DPP10: variants seen among roughly 807,000 people sequenced by gnomAD.
DPP10 encodes the protein inactive dipeptidyl peptidase 10.
In DPP10, 33 loss-of-function variants were observed where a neutral mutation model predicts 120.9. That is an observed-to-expected ratio of 0.27 (90% CI 0.21 to 0.37). The LOEUF (loss-of-function observed/expected upper bound fraction) is 0.37. Ranked by LOEUF, DPP10 falls within the 10% of genes least tolerant of loss-of-function variation. DPP10 has a pLI of 1.00. For synonymous variants in DPP10, 337 were observed against 326.1 expected (o/e 1.03, Z -0.36); for missense variants, 816 against 942.8 (o/e 0.87, Z 1.76).
chr2:114,537,099 C>T (rs1465508090), intron 1 of DPP10, among the ~76,000 whole-genome samples: 2 of 152,238 alleles, frequency 1.3e-5, no homozygotes, highest in Admixed American at 6.5e-5. Flanking sequence ...ATCTTCTCCT[C>T]CCACCACCTA....
Position 115,383,697 on chromosome 2 carries a change from T to A in DPP10, c.271+39785T>A, listed in dbSNP as rs1574651531. Reference sequence around the variant, plus strand: ...TATTCATTTAAATATATTTAATAATTTGATTTATAATGTGTTTCTTATGCA... The same window carrying A: ...TATTCATTTAAATATATTTAATAATATGATTTATAATGTGTTTCTTATGCA... On this transcript the variant is annotated intron_variant, in intron 3 of 25. Transcript: ENST00000410059. Among the ~76,000 whole-genome samples the A allele has an allele frequency of 2.0e-5, 3 of 152,274 alleles. No individual in the cohort carries two copies. The South Asian group carries it at 6.2e-4, about 32-fold the overall frequency.
At chr2:115,828,092 C>T (rs1688559528) in intron 21 of DPP10, among the ~76,000 whole-genome samples, 1 of 151,916 alleles carries the variant, frequency 6.6e-6, no homozygotes, top group Non-Finnish European at 1.5e-5. Context: ...TATATTCTTC[C>T]AGCTCTAATG....
At chr2:115,026,947 C>T (rs1385823027) in intron 1 of DPP10, among the ~76,000 whole-genome samples, 1 of 152,130 alleles carries the variant, frequency 6.6e-6, no homozygotes, top group Non-Finnish European at 1.5e-5. Context: ...GTCTTCCAAT[C>T]CATGAGCTTG....
intron 3 of DPP10, among the ~76,000 whole-genome samples, chr2:115,415,841 T>TATA (rs773341293): frequency 0.015 from 1,103 of 74,280 alleles, 28 homozygotes; most frequent in African/African-American, 0.041. Context: ...TGATTTGCTT[T>TATA]TATATATATA....
rs1559366566 is a variant in DPP10, at chr2:115,286,493, T to TATATATATTACATATATA, written c.61-22738_61-22737insTACATATATAATATATAT. Among the ~76,000 whole-genome samples, 27 of 9,242 alleles carry TATATATATTACATATATA rather than the reference T, an allele frequency of 2.9e-3. 1 individual carries two copies. In the South Asian group the frequency reaches 0.03, roughly 10 times the overall value. 6.1% of individuals were successfully genotyped at this position (9,242 alleles called of 152,430 possible). A position where few individuals can be genotyped will look rare whatever the true frequency, so the allele number is the denominator to read the frequency against. On this transcript the variant is annotated intron_variant, in intron 1 of 25. Coordinates refer to ENST00000410059, the MANE Select transcript of DPP10 (RefSeq NM_020868.6). ...ATATATATATGTAATATATATATAA[T>TATATATATTACATATATA]ATATATATATTACATATATAATATA... is the stretch of plus-strand genomic sequence containing the variant.
intron 1 of DPP10, among the ~76,000 whole-genome samples, chr2:114,634,430 A>G (rs938620245): frequency 2.6e-5 from 4 of 151,888 alleles, no homozygotes; most frequent in Admixed American, 2.6e-4. Context: ...AATGAGGCAG[A>G]GGAGTTATTT....
At chr2:115,483,851 A>G (rs1296777495) in intron 3 of DPP10, among the ~76,000 whole-genome samples, 2 of 152,076 alleles carry the variant, frequency 1.3e-5, no homozygotes, top group African/African-American at 4.8e-5. Flanking sequence ...GCGTATATCT[A>G]TATCTTCTCA....
intron 5 of DPP10, among the ~76,000 whole-genome samples, chr2:115,587,349 C>T (rs1051609934): frequency 1.1e-4 from 16 of 152,028 alleles, no homozygotes; most frequent in Admixed American, 1.3e-4. Flanking sequence ...CCGCCCGCCT[C>T]GGCCTCCCAA....
chr2:115,833,499 T>G (rs542051683), intron 21 of DPP10, among the ~76,000 whole-genome samples: 219 of 152,284 alleles, frequency 1.4e-3, no homozygotes, highest in African/African-American at 5.0e-3. Flanking sequence ...TTTCAAGAGC[T>G]GTTTCCACTT....
At chr2:115,356,687 G>C (rs1011634184) in intron 3 of DPP10, among the ~76,000 whole-genome samples, 2 of 151,990 alleles carry the variant, frequency 1.3e-5, no homozygotes, top group African/African-American at 2.4e-5. Flanking sequence ...ATTGGCTAGG[G>C]GTTTGTCATA....
chr2:114,779,156 C>G (rs1197470865), intron 1 of DPP10, among the ~76,000 whole-genome samples: 1 of 151,890 alleles, frequency 6.6e-6, no homozygotes, highest in Non-Finnish European at 1.5e-5. Context: ...CAGTGTATAC[C>G]CCTGTGAAAC....
chr2:114,825,732 C>T (rs914510108), intron 1 of DPP10, among the ~76,000 whole-genome samples: 2 of 152,050 alleles, frequency 1.3e-5, no homozygotes, highest in Non-Finnish European at 2.9e-5. Flanking sequence ...TAATGCGTGA[C>T]GAGTCTGATG....
At chr2:115,772,520 C>A (rs1474557731) in intron 13 of DPP10, among the ~76,000 whole-genome samples, 1 of 152,020 alleles carries the variant, frequency 6.6e-6, no homozygotes, top group African/African-American at 2.4e-5. Context: ...AAAACTATGG[C>A]TTTTCTGGAA....
intron 1 of DPP10, among the ~76,000 whole-genome samples, chr2:115,307,395 T>C (rs2061401211): frequency 6.6e-6 from 1 of 152,148 alleles, no homozygotes; most frequent in South Asian, 2.1e-4. Flanking sequence ...TTGATTCTCT[T>C]ACTGAATTGA....
At chr2:115,219,222 A>G (rs2057003938) in intron 1 of DPP10, among the ~76,000 whole-genome samples, 1 of 152,116 alleles carries the variant, frequency 6.6e-6, no homozygotes, top group Admixed American at 6.6e-5. Context: ...TGACCTCTCT[A>G]TACCTGGAGG....
At chr2:114,515,900 A>G (rs1234280211) in intron 1 of DPP10, among the ~76,000 whole-genome samples, 2 of 152,128 alleles carry the variant, frequency 1.3e-5, no homozygotes, top group Non-Finnish European at 2.9e-5. Flanking sequence ...TGCTAAGGTT[A>G]AAACATTAAT....
intron 5 of DPP10, among the ~76,000 whole-genome samples, chr2:115,628,368 G>C (rs914721284): frequency 6.6e-6 from 1 of 151,880 alleles, no homozygotes; most frequent in East Asian, 1.9e-4. Flanking sequence ...GGTGTTGTTT[G>C]TTTTGTTTCT....
At chr2:114,616,292 C>A (rs1010691439) in intron 1 of DPP10, among the ~76,000 whole-genome samples, 6 of 152,088 alleles carry the variant, frequency 3.9e-5, no homozygotes, top group Non-Finnish European at 7.4e-5. Context: ...GGTGTAATGA[C>A]TTGCTGTACC....
intron 1 of DPP10, among the ~76,000 whole-genome samples, chr2:115,279,648 TCTTC>T (rs2060067989): frequency 1.5e-5 from 2 of 131,516 alleles, no homozygotes; most frequent in Non-Finnish European, 3.2e-5. Context: ...TTTCTTTTTT[TCTTC>T]TTCTTTTTTT....
Sources: allele counts gnomAD v4.1 joint callset (sites outside exome capture counted in the v4.1 genomes callset), GRCh38; gene constraint gnomAD v4.1.1; transcripts MANE v1.5; gene names NCBI Gene and HGNC (gene_info 2026-07-23, HGNC 2026-07-21).